Variants in WAPL observed in about 807,000 individuals in gnomAD.
WAPL encodes the protein wings apart-like protein homolog.
Under a neutral mutation model 121.0 loss-of-function variants are expected in WAPL, and 5 were observed. That is an observed-to-expected ratio of 0.04 (90% CI 0.02 to 0.09). The LOEUF is 0.09. Among genes scored for constraint, WAPL ranks in the 10% least tolerant of loss-of-function variants. The pLI, the probability that WAPL is intolerant of heterozygous loss-of-function variation, is 1.00. For missense variants in WAPL, 999 were observed against 1,410.8 expected (o/e 0.71, Z 4.68); for synonymous variants, 480 against 481.5 (o/e 1.00, Z 0.04).
chr10:86,510,219 C>T (rs996254226), intron 2 of WAPL, among the ~76,000 whole-genome samples: 1 of 151,714 alleles, frequency 6.6e-6, no homozygotes, highest in Non-Finnish European at 1.5e-5. Context: ...GGATTATAGG[C>T]ACACGCCACC....
chr10:86,461,372 G>T, intron 9 of WAPL, 85 bp from the exon 10 acceptor site: 1 of 1,024,368 alleles, frequency 9.8e-7, no homozygotes. Context: ...TTTACTGCAT[G>T]CTACATGTAG....
intron 16 of WAPL, among the ~76,000 whole-genome samples, chr10:86,445,715 G>A (rs1216972278): frequency 1.3e-5 from 2 of 151,900 alleles, no homozygotes; most frequent in Non-Finnish European, 2.9e-5. Flanking sequence ...TTGTAGGGAT[G>A]GGGTCTTGCT....
rs1278787588 is a variant in WAPL, at chr10:86,435,566, T to C, written c.*1977A>G. ...GAGGGTTAAAAACACACAAATGCAC[T>C]GCAGTTGGTGAAGTGATTATCTCCC... On this transcript the variant is annotated 3_prime_UTR_variant, in exon 19 of 19. Transcript: ENST00000298767. 3 of 152,636 alleles carry C rather than the reference T, an allele frequency of 2.0e-5. No individual in the cohort carries two copies. Among genetic ancestry groups the C allele is most frequent in the Non-Finnish European group, 4.4e-5 (3 of 68,042 alleles). The allele number at this position is 152,636 out of a possible 1,614,324, so 9.5% of individuals were successfully genotyped here.
chr10:86,518,874 G>A (rs1208840878), intron 1 of WAPL, among the ~76,000 whole-genome samples: 2 of 152,032 alleles, frequency 1.3e-5, no homozygotes, highest in Admixed American at 6.6e-5. Context: ...CTGCTTCTTG[G>A]TGTAATGTAA....
Position 86,500,215 on chromosome 10 carries a change from C to T in WAPL, c.1028G>A (p.Ser343Asn). 1 of 1,614,200 alleles carries T rather than the reference C, an allele frequency of 6.2e-7. No individual in the cohort carries two copies. Among genetic ancestry groups the T allele is most frequent in the Non-Finnish European group, 8.5e-7 (1 of 1,180,028 alleles). The change falls in exon 3 of 19, where the codon AGT (serine) becomes AAT (asparagine). Residue 343 changes from serine (S) to asparagine (N), a missense_variant. Ser to Asn is a conservative substitution (Grantham distance 46). Transcript: ENST00000298767. ...GLNQAKKGGV[S>N]CGTSFRGTVG... ...TGTCCCTCTAAAACTGGTCCCACAA[C>T]TTACACCCCCTTTCTTTGCCTGATT...
At chr10:86,455,683 T>TAAAAAAAAAAAAA in intron 12 of WAPL, among the ~76,000 whole-genome samples, 1 of 29,064 alleles carries the variant, frequency 3.4e-5, no homozygotes, top group Non-Finnish European at 7.4e-5. Flanking sequence ...CAATAAATAC[T>TAAAAAAAAAAAAA]AAAAAAAAAA....
At chr10:86,509,413 A>G (rs940192026) in intron 2 of WAPL, among the ~76,000 whole-genome samples, 1 of 152,172 alleles carries the variant, frequency 6.6e-6, no homozygotes, top group Non-Finnish European at 1.5e-5. Flanking sequence ...TCAGTGCACC[A>G]ACAGGTCCCA....
At chr10:86,520,880 G>A (rs1231516652) in intron 1 of WAPL, among the ~76,000 whole-genome samples, 2 of 152,026 alleles carry the variant, frequency 1.3e-5, no homozygotes, top group Admixed American at 1.3e-4. Context: ...GATGGAAAGC[G>A]GACGGGACGA....
At chr10:86,481,667 C>T (rs1192302940) in intron 4 of WAPL, among the ~76,000 whole-genome samples, 4 of 151,860 alleles carry the variant, frequency 2.6e-5, no homozygotes, top group South Asian at 2.1e-4. Context: ...ACCACCGCGC[C>T]GGGCTGAAAA....
intron 2 of WAPL, among the ~76,000 whole-genome samples, chr10:86,506,016 G>A (rs1326388490): frequency 6.6e-6 from 1 of 152,082 alleles, no homozygotes; most frequent in Non-Finnish European, 1.5e-5. Flanking sequence ...CAACACTTTG[G>A]GAGGCCAAGG....
At chr10:86,515,853 GCTGT>G (rs1316799545) in intron 2 of WAPL, among the ~76,000 whole-genome samples, 1 of 140,032 alleles carries the variant, frequency 7.1e-6, no homozygotes, top group African/African-American at 2.6e-5. Flanking sequence ...CAGTTTTTAT[GCTGT>G]CTATGCCTTT....
At chr10:86,473,116 C>G (rs1841570071) in intron 5 of WAPL, among the ~76,000 whole-genome samples, 1 of 152,056 alleles carries the variant, frequency 6.6e-6, no homozygotes, top group Non-Finnish European at 1.5e-5. Flanking sequence ...ACAGAAAAAC[C>G]AGACAGAGTC....
intron 8 of WAPL, among the ~76,000 whole-genome samples, chr10:86,468,489 C>T (rs544086998): frequency 1.4e-4 from 22 of 152,244 alleles, no homozygotes; most frequent in African/African-American, 4.8e-4. Flanking sequence ...TGAGCCACCA[C>T]GCCCAGCCTA....
intron 15 of WAPL, 59 bp from the exon 16 acceptor site, chr10:86,446,508 T>C (rs1272236051): frequency 5.3e-6 from 8 of 1,505,976 alleles, no homozygotes; most frequent in Admixed American, 3.9e-5. Context: ...TATGCATATA[T>C]GCAAATATAA....
intron 18 of WAPL, 66 bp downstream of exon 18, chr10:86,437,854 T>C (rs1255093578): frequency 2.4e-6 from 3 of 1,275,316 alleles, no homozygotes; most frequent in Non-Finnish European, 3.4e-6. Flanking sequence ...GGCCATAGTA[T>C]TTTTATGTCT....
At chr10:86,460,566 A>C (rs1841245358) in intron 10 of WAPL, 70 bp from the exon 11 acceptor site, 1 of 1,301,212 alleles carries the variant, frequency 7.7e-7, no homozygotes, top group African/African-American at 1.5e-5. Context: ...CTTTTAGCTA[A>C]CATTAGAAGC....
At chr10:86,451,644 C>A (rs754514087) in intron 15 of WAPL, among the ~76,000 whole-genome samples, 4 of 152,160 alleles carry the variant, frequency 2.6e-5, no homozygotes, top group Non-Finnish European at 5.9e-5. Flanking sequence ...CCACTTGCCT[C>A]AGCCTCCCAA....
In WAPL at chr10:86,517,552, AAAG is replaced by A. The variant is rs1252495785; in HGVS notation, c.499+16_499+18del. 2 of 1,582,602 alleles carry A rather than the reference AAAG, an allele frequency of 1.3e-6. No homozygotes were observed. The highest frequency in any genetic ancestry group is 1.7e-6 in the Non-Finnish European group (2 of 1,165,964). On this transcript the variant is annotated intron_variant, in intron 2 of 18. Coordinates refer to ENST00000298767, the MANE Select transcript of WAPL (RefSeq NM_015045.5). ...GCACAAAGCTCTCTTGGCGGAGAAT[AAAG>A]AAAATCAAAACTTACCTGAAGTTAT...
intron 2 of WAPL, among the ~76,000 whole-genome samples, chr10:86,514,905 C>T (rs1484953568): frequency 6.6e-6 from 1 of 152,172 alleles, no homozygotes. Flanking sequence ...TCACCACTTG[C>T]ACAGTTTAAT....
Sources: gnomAD v4.1 joint callset for allele counts (sites outside exome capture counted in the v4.1 genomes callset) on GRCh38, gnomAD v4.1.1 for gene constraint, MANE v1.5 for transcripts, NCBI Gene and HGNC (gene_info 2026-07-23, HGNC 2026-07-21) for gene names.